Variants in MROH2B observed in about 807,000 individuals in gnomAD.
MROH2B encodes maestro heat like repeat family member 2B.
In MROH2B, 177 loss-of-function variants were observed where a neutral mutation model predicts 208.6. The ratio of observed to expected loss-of-function variants is 0.85; its 90% confidence interval spans 0.75 to 0.96. The LOEUF (loss-of-function observed/expected upper bound fraction) is 0.96. MROH2B is among the 40% of genes least tolerant of loss of function. The pLI, the probability that MROH2B is intolerant of heterozygous loss-of-function variation, is 0.00. For synonymous variants in MROH2B, 728 were observed against 659.0 expected, an observed-to-expected ratio of 1.10 and a Z score of -1.60; for missense variants, 2,002 against 1,878.7, an observed-to-expected ratio of 1.07 and a Z score of -1.21.
intron 24 of MROH2B, among the ~76,000 whole-genome samples, chr5:41,030,568 A>T (rs1482050023): frequency 6.6e-6 from 1 of 152,122 alleles, no homozygotes; most frequent in Non-Finnish European, 1.5e-5. Context: ...TACATATTCA[A>T]TGCAATTCTC....
At chr5:41,047,063 CTTT>C (rs1315797258) in intron 17 of MROH2B, among the ~76,000 whole-genome samples, 5 of 49,848 alleles carry the variant, frequency 1.0e-4, no homozygotes, top group Non-Finnish European at 1.4e-4. Flanking sequence ...AGGTAGATGC[CTTT>C]TAATATAGAA....
At chr5:41,047,213 T>C (rs1375830871) in intron 17 of MROH2B, among the ~76,000 whole-genome samples, 1 of 152,196 alleles carries the variant, frequency 6.6e-6, no homozygotes, top group Non-Finnish European at 1.5e-5. Flanking sequence ...CTTGTGGCAC[T>C]GTTTAGTTGT....
In MROH2B at chr5:41,051,062, T is replaced by C; in HGVS notation, c.1259A>G (p.Glu420Gly). Residue 420 changes from glutamate (E) to glycine (G), a missense_variant, in exon 13 of 42, where the codon GAG (glutamate) becomes GGG (glycine). Coordinates refer to ENST00000399564, the MANE Select transcript of MROH2B (RefSeq NM_173489.5). The part of the protein sequence containing the change: ...LEKPVKTNFH[E>G]NEKEEESVRE... ...GACAGATTCCTCTTCCTTTTCATTCTCATGAAAGTTAGTTTTCACTGGTTT... is the reference window on the plus strand; with the variant it reads ...GACAGATTCCTCTTCCTTTTCATTCCCATGAAAGTTAGTTTTCACTGGTTT... The C allele has an allele frequency of 6.4e-7, 1 of 1,556,882 alleles. No individual in the cohort carries two copies. The highest frequency in any genetic ancestry group is 2.4e-5 in the East Asian group (1 of 41,552).
chr5:41,067,184 T>C lies in MROH2B; in HGVS notation c.125A>G (p.Gln42Arg). The change falls in exon 3 of 42, where the codon CAG (glutamine) becomes CGG (arginine). Residue 42 changes from glutamine to arginine, a missense_variant. Transcript: ENST00000399564. ...DIYSHLTSVI[Q>R]NTDILDDAIV... Reference sequence around the variant, plus strand: ...TGCATCATCCAAGATGTCAGTATTCTGAATAACAGAAGTGAGATGACTGTA... The same window carrying C: ...TGCATCATCCAAGATGTCAGTATTCCGAATAACAGAAGTGAGATGACTGTA... 9 of 1,554,496 alleles carry C rather than the reference T, an allele frequency of 5.8e-6. No homozygotes were observed. Among genetic ancestry groups the C allele is most frequent in the Non-Finnish European group, 7.8e-6 (9 of 1,147,578 alleles).
intron 35 of MROH2B, 158 bp from the exon 36 acceptor site, chr5:41,005,078 G>C: frequency 1.0e-6 from 1 of 987,104 alleles, no homozygotes; most frequent in East Asian, 2.6e-5. Flanking sequence ...TGCTGAAGCT[G>C]AGCTCTAGAT....
chr5:41,015,464 C>A lies in MROH2B; in HGVS notation c.2899G>T (p.Val967Leu), dbSNP rs1314869548. ...TCCTGCAAACCCTGCAGTCTTTCCACTTCCAAGTGAATGCCTAAAATCAAC... is the reference window on the plus strand; with the variant it reads ...TCCTGCAAACCCTGCAGTCTTTCCAATTCCAAGTGAATGCCTAAAATCAAC... ...LFYIKGIHLE[V>L]ERLQGLQEGL... is the part of the protein sequence containing the mutation. Residue 967 changes from valine (V) to leucine (L), a missense_variant, in exon 29 of 42, where the codon GTG becomes TTG. Coordinates refer to ENST00000399564, the MANE Select transcript of MROH2B (RefSeq NM_173489.5). 6.2e-7 allele frequency: 1 copy of A among 1,613,380 alleles called. No homozygotes were observed. The highest frequency in any genetic ancestry group is 1.7e-5 in the Admixed American group (1 of 59,914).
At chr5:40,998,526 G>A (rs1440855390) in intron 41 of MROH2B, 86 bp downstream of exon 41, 1 of 1,109,218 alleles carries the variant, frequency 9.0e-7, no homozygotes, top group African/African-American at 1.6e-5. Context: ...TCAAGTTCTG[G>A]GCTGACGTGG....
intron 28 of MROH2B, among the ~76,000 whole-genome samples, chr5:41,016,930 G>C (rs1741974805): frequency 6.6e-6 from 1 of 151,868 alleles, no homozygotes; most frequent in Non-Finnish European, 1.5e-5. Context: ...TCTTTTGACT[G>C]ATTATCTCTT....
chr5:41,069,197 T>C (rs1743904650), intron 2 of MROH2B, among the ~76,000 whole-genome samples: 1 of 152,206 alleles, frequency 6.6e-6, no homozygotes, highest in Admixed American at 6.5e-5. Flanking sequence ...ACACTGTTGT[T>C]TGGAAAATAT....
chr5:41,065,671 C>G (rs1483647136), intron 3 of MROH2B, among the ~76,000 whole-genome samples, 181 bp from the exon 4 acceptor site: 4 of 152,112 alleles, frequency 2.6e-5, no homozygotes, highest in African/African-American at 9.7e-5. Context: ...ATTTGGGCTT[C>G]TAGTGAACCC....
chr5:41,042,146 G>GT lies in MROH2B; in HGVS notation c.1898dup (p.Asn633LysfsTer5), dbSNP rs1742973351. 6.3e-7 allele frequency: 1 copy of GT among 1,597,014 alleles called. No individual in the cohort carries two copies. The highest frequency in any genetic ancestry group is 8.5e-7 in the Non-Finnish European group (1 of 1,171,098). ...CAGTCAGAAACTCCTTAATCTGTGA[G>GT]TTTACAAAGTCTGAATCTTGGCAGC... On this transcript the variant is annotated frameshift_variant, in exon 19 of 42. Coordinates refer to ENST00000399564, the MANE Select transcript of MROH2B (RefSeq NM_173489.5). LOFTEE classifies it high-confidence loss of function.
At chr5:41,024,577 A>G (rs1041523666) in intron 24 of MROH2B, among the ~76,000 whole-genome samples, 1 of 152,116 alleles carries the variant, frequency 6.6e-6, no homozygotes, top group African/African-American at 2.4e-5. Context: ...CTCCCACACA[A>G]TAATAATGGG....
At chr5:41,038,695 C>A (rs1365194265) in intron 21 of MROH2B, 41 bp downstream of exon 21, 4 of 1,560,418 alleles carry the variant, frequency 2.6e-6, no homozygotes, top group East Asian at 2.3e-5. Context: ...GTTTTAGGAA[C>A]CCCAGCCTAG....
chr5:41,047,694 A>G, intron 17 of MROH2B, 27 bp downstream of exon 17: 2 of 1,578,082 alleles, frequency 1.3e-6, no homozygotes, highest in African/African-American at 2.7e-5. Flanking sequence ...TGCCATTATT[A>G]AAAATTATTC....
At chr5:41,027,309 C>G (rs1184658454) in intron 24 of MROH2B, among the ~76,000 whole-genome samples, 1 of 152,122 alleles carries the variant, frequency 6.6e-6, no homozygotes, top group Non-Finnish European at 1.5e-5. Context: ...GGCTAATATC[C>G]AGAATCTACA....
In MROH2B at chr5:41,000,714, A is replaced by C. The variant is rs1741369922; in HGVS notation, c.4314T>G (p.Leu1438=). ...EEIKKSLISF[L]LHLWDPNPKI... ...TGGGGTTGGGATCCCAAAGGTGCAGAAGGAATGAAATCAGGCTCTTTTTTA... is the reference window on the plus strand; with the variant it reads ...TGGGGTTGGGATCCCAAAGGTGCAGCAGGAATGAAATCAGGCTCTTTTTTA... Residue 1438 remains leucine (L), a synonymous_variant, in exon 38 of 42, where the codon CTT becomes CTG. Coordinates refer to ENST00000399564, the MANE Select transcript of MROH2B (RefSeq NM_173489.5). 6.2e-7 allele frequency: 1 copy of C among 1,612,700 alleles called. No individual in the cohort carries two copies. Among genetic ancestry groups the C allele is most frequent in the Middle Eastern group, 1.7e-4 (1 of 6,056 alleles).
At chr5:41,007,916 TG>T (rs1211167212) in intron 33 of MROH2B, among the ~76,000 whole-genome samples, 1 of 152,244 alleles carries the variant, frequency 6.6e-6, no homozygotes, top group African/African-American at 2.4e-5. Context: ...CACGTATTAT[TG>T]GAACTATTAC....
chr5:41,041,295 G>A (rs1440303136), intron 19 of MROH2B, among the ~76,000 whole-genome samples: 1 of 151,956 alleles, frequency 6.6e-6, no homozygotes, highest in Non-Finnish European at 1.5e-5. Flanking sequence ...TATCAGCTTG[G>A]GAACTATTTT....
In MROH2B at chr5:41,049,292, A is replaced by G; in HGVS notation, c.1489T>C (p.Ser497Pro). Residue 497 changes from serine to proline, a missense_variant, in exon 14 of 42, where the codon TCT becomes CCT. Physicochemically the swap from Ser to Pro is moderately conservative, Grantham distance 74. Coordinates refer to ENST00000399564, the MANE Select transcript of MROH2B (RefSeq NM_173489.5). The stretch of plus-strand genomic sequence containing the variant: ...TGAATGTACAGACCAGCTCCTGTAG[A>G]GACGACAAGTGCTGTCGACTCCTTG... Reference protein sequence around the residue: ...SAKESTALVVSTGAVKLPSPQ... With the variant: ...SAKESTALVVPTGAVKLPSPQ... The G allele has an allele frequency of 6.2e-7, 1 of 1,613,354 alleles. No homozygotes were observed. The highest frequency in any genetic ancestry group is 8.5e-7 in the Non-Finnish European group (1 of 1,179,614).
Sources: allele counts gnomAD v4.1 joint callset (sites outside exome capture counted in the v4.1 genomes callset), GRCh38; gene constraint gnomAD v4.1.1; transcripts MANE v1.5; gene names NCBI Gene and HGNC (gene_info 2026-07-23, HGNC 2026-07-21).